HECW2: variants seen among roughly 807,000 people sequenced by gnomAD.
HECW2 encodes the protein HECT, C2 and WW domain containing E3 ubiquitin protein ligase 2, also known as E3 ubiquitin-protein ligase HECW2.
In HECW2, 61 loss-of-function variants were observed where a neutral mutation model predicts 175.2. The observed-to-expected ratio is 0.35, with a 90% CI of 0.28 to 0.43. HECW2 has a LOEUF of 0.43. Ranked by LOEUF, HECW2 falls within the 20% of genes least tolerant of loss-of-function variation. The pLI is 1.00. For missense variants in HECW2, 1,524 were observed against 2,000.5 expected (o/e 0.76, Z 4.54); for synonymous variants, 671 against 731.0 (o/e 0.92, Z 1.32).
intron 4 of HECW2, among the ~76,000 whole-genome samples, chr2:196,333,964 GCA>G (rs1401235657): frequency 6.6e-6 from 1 of 152,180 alleles, no homozygotes; most frequent in East Asian, 1.9e-4. Context: ...GAAGGAACCA[GCA>G]CTAAGACCTT....
At chr2:196,470,568 C>T (rs573211984) in intron 1 of HECW2, among the ~76,000 whole-genome samples, 6 of 152,120 alleles carry the variant, frequency 3.9e-5, no homozygotes, top group African/African-American at 9.6e-5. Flanking sequence ...TTCTTGGTTG[C>T]CCATTCAATT....
At chr2:196,458,350 G>A (rs978875814) in intron 1 of HECW2, among the ~76,000 whole-genome samples, 1 of 151,956 alleles carries the variant, frequency 6.6e-6, no homozygotes, top group Admixed American at 6.6e-5. Context: ...TTCTACACCT[G>A]AAATATCCAG....
intron 21 of HECW2, among the ~76,000 whole-genome samples, chr2:196,233,925 A>T (rs1688147157): frequency 6.6e-6 from 1 of 152,210 alleles, no homozygotes. Flanking sequence ...TTCAGATCTC[A>T]TCCTCCCTAG....
chr2:196,448,457 T>G (rs529391867), intron 1 of HECW2, among the ~76,000 whole-genome samples: 1 of 152,318 alleles, frequency 6.6e-6, no homozygotes, highest in Admixed American at 6.5e-5. Flanking sequence ...GCTTCTGGGT[T>G]ACAACTGGGT....
chr2:196,381,000 G>A (rs375731937), intron 2 of HECW2, among the ~76,000 whole-genome samples: 77 of 152,216 alleles, frequency 5.1e-4, no homozygotes, highest in African/African-American at 1.8e-3. Context: ...ATGTGGTGGT[G>A]GGGGTTCTCA....
rs548135223 is a variant in HECW2, at chr2:196,441,968, T to G, written c.-35-8510A>C. ...CCCCAAAATTTTACTAAAGAATATGTTATAATCCACAACATAAAAATTACC... is the reference window on the plus strand; with the variant it reads ...CCCCAAAATTTTACTAAAGAATATGGTATAATCCACAACATAAAAATTACC... On this transcript the variant is annotated intron_variant, in intron 1 of 28. Coordinates refer to ENST00000644978, the MANE Select transcript of HECW2 (RefSeq NM_001348768.2). 1.1e-4 allele frequency among the ~76,000 whole-genome samples: 17 copies of G among 152,258 alleles called. No homozygotes were observed. In the South Asian group the frequency reaches 3.3e-3, roughly 30 times the overall value.
At chr2:196,248,630 A>ACACACACACACACT (rs991743536) in intron 19 of HECW2, among the ~76,000 whole-genome samples, 1 of 151,068 alleles carries the variant, frequency 6.6e-6, no homozygotes, top group African/African-American at 2.5e-5. Context: ...ACACACACAC[A>ACACACACACACACT]CAGAGAGAGA....
chr2:196,284,628 T>A (rs1262315198), intron 14 of HECW2, among the ~76,000 whole-genome samples: 12 of 152,190 alleles, frequency 7.9e-5, no homozygotes, highest in Admixed American at 7.9e-4. Flanking sequence ...GCATGCAAAG[T>A]CCAAGCATGC....
intron 1 of HECW2, among the ~76,000 whole-genome samples, chr2:196,475,146 C>T (rs1209635137): frequency 3.9e-5 from 6 of 152,126 alleles, no homozygotes; most frequent in Non-Finnish European, 7.3e-5. Flanking sequence ...ACACCTAACA[C>T]TGCCCCCACC....
At chr2:196,351,398 G>C (rs1285232854) in intron 2 of HECW2, among the ~76,000 whole-genome samples, 1 of 152,006 alleles carries the variant, frequency 6.6e-6, no homozygotes, top group Non-Finnish European at 1.5e-5. Context: ...AACATGAACA[G>C]ACATATCAGA....
At chr2:196,504,222 G>A (rs1687673854) in intron 1 of HECW2, among the ~76,000 whole-genome samples, 1 of 151,338 alleles carries the variant, frequency 6.6e-6, no homozygotes, top group South Asian at 2.1e-4. Context: ...CTTGAACCCG[G>A]GAGGCAGATG....
chr2:196,364,034 T>C (rs1263700120), intron 2 of HECW2, among the ~76,000 whole-genome samples: 2 of 152,120 alleles, frequency 1.3e-5, no homozygotes, highest in Non-Finnish European at 2.9e-5. Flanking sequence ...TAGACTCTGT[T>C]GGGTAGAAGA....
At chr2:196,368,349 G>C (rs979276211) in intron 2 of HECW2, among the ~76,000 whole-genome samples, 5 of 152,278 alleles carry the variant, frequency 3.3e-5, no homozygotes, top group South Asian at 2.1e-4. Flanking sequence ...TCTGCTGCTA[G>C]ATATATTGGA....
In HECW2 at chr2:196,278,680, G is replaced by C. The variant is rs1690071408; in HGVS notation, c.3001-18C>G. On this transcript the variant is annotated intron_variant, in intron 14 of 28. Coordinates refer to ENST00000644978, the MANE Select transcript of HECW2 (RefSeq NM_001348768.2). ...AAGAATGCCTAGGATACAATACACT[G>C]AGTCAAATACATGCCGCTCACATGT... 7.4e-6 allele frequency: 12 copies of C among 1,613,786 alleles called. No homozygotes were observed. Among genetic ancestry groups the C allele is most frequent in the South Asian group, 1.1e-5 (1 of 91,068 alleles).
chr2:196,361,496 T>C (rs1224043406), intron 2 of HECW2, among the ~76,000 whole-genome samples: 1 of 152,148 alleles, frequency 6.6e-6, no homozygotes, highest in African/African-American at 2.4e-5. Flanking sequence ...TCAAAAGCAT[T>C]TTCTTGTAGG....
chr2:196,460,259 T>A (rs986916693), intron 1 of HECW2, among the ~76,000 whole-genome samples: 1 of 152,158 alleles, frequency 6.6e-6, no homozygotes, highest in Non-Finnish European at 1.5e-5. Context: ...ATTAAAAGAC[T>A]CTAAGAAATA....
chr2:196,375,313 A>C (rs1227697481), intron 2 of HECW2, among the ~76,000 whole-genome samples: 3 of 152,224 alleles, frequency 2.0e-5, no homozygotes, highest in African/African-American at 7.2e-5. Flanking sequence ...ATAAATATTA[A>C]AAGAATTCGG....
chr2:196,448,204 T>G (rs555906409), intron 1 of HECW2, among the ~76,000 whole-genome samples: 1 of 152,354 alleles, frequency 6.6e-6, no homozygotes, highest in Non-Finnish European at 1.5e-5. Context: ...TCAAGCCCTT[T>G]GTCTCCCTAT....
intron 1 of HECW2, among the ~76,000 whole-genome samples, chr2:196,580,330 G>A (rs1281518758): frequency 6.6e-6 from 1 of 152,106 alleles, no homozygotes; most frequent in East Asian, 1.9e-4. Flanking sequence ...AAAAAGGTGA[G>A]TTGGATTTCA....
Sources: gnomAD v4.1 joint callset for allele counts (sites outside exome capture counted in the v4.1 genomes callset) on GRCh38, gnomAD v4.1.1 for gene constraint, MANE v1.5 for transcripts, NCBI Gene and HGNC (gene_info 2026-07-23, HGNC 2026-07-21) for gene names.